UBASH3B: variants seen among roughly 807,000 people sequenced by gnomAD.
The protein encoded by UBASH3B is ubiquitin-associated and SH3 domain-containing protein B.
UBASH3B carries 37 observed loss-of-function variants against 83.4 expected under a neutral mutation model. The ratio of observed to expected loss-of-function variants is 0.44; its 90% CI spans 0.34 to 0.58. The LOEUF (loss-of-function observed/expected upper bound fraction) is 0.58. UBASH3B is among the 20% of genes least tolerant of loss of function. The probability of loss-of-function intolerance (pLI) is 0.01; values close to 1 mark genes in which losing one functional copy is unlikely to be tolerated. For synonymous variants in UBASH3B, 304 were observed against 318.3 expected (o/e 0.96, Z 0.48); for missense variants, 657 against 827.2 (o/e 0.79, Z 2.52).
At chr11:122,667,200 C>T (rs916360997) in intron 1 of UBASH3B, among the ~76,000 whole-genome samples, 1 of 151,944 alleles carries the variant, frequency 6.6e-6, no homozygotes, top group Non-Finnish European at 1.5e-5. Flanking sequence ...CGCACCACCA[C>T]CACACCTGGC....
intron 1 of UBASH3B, among the ~76,000 whole-genome samples, chr11:122,680,566 C>A (rs11218748): frequency 0.16 from 23,725 of 152,214 alleles, 1,995 homozygotes; most frequent in African/African-American, 0.21. Flanking sequence ...TGGGTTCAAG[C>A]GATTCTCCTG....
intron 1 of UBASH3B, among the ~76,000 whole-genome samples, chr11:122,666,608 G>A (rs1863523198): frequency 6.6e-6 from 1 of 151,914 alleles, no homozygotes; most frequent in East Asian, 1.9e-4. Flanking sequence ...TAGTAGAGAC[G>A]GGGTTTCACC....
At chr11:122,788,389 T>A (rs1338953669) in intron 5 of UBASH3B, among the ~76,000 whole-genome samples, 6 of 152,004 alleles carry the variant, frequency 3.9e-5, no homozygotes, top group Non-Finnish European at 8.8e-5. Context: ...GCCAACATGG[T>A]GAAACCCTGT....
intron 1 of UBASH3B, among the ~76,000 whole-genome samples, chr11:122,714,172 T>C (rs2362): frequency 0.13 from 19,369 of 152,198 alleles, 1,369 homozygotes; most frequent in African/African-American, 0.18. Flanking sequence ...GCCCCATCAG[T>C]TTCTTTAGTG....
rs1861434933 is a variant in UBASH3B, at chr11:122,810,878, G to T, written c.*992G>T. The T allele has an allele frequency of 6.6e-6, 1 of 152,164 alleles. No individual in the cohort carries two copies. The highest frequency in any genetic ancestry group is 2.4e-5 in the African/African-American group (1 of 41,426). 9.4% of individuals were successfully genotyped at this position (152,164 alleles called of 1,614,324 possible). A position where few individuals can be genotyped will look rare whatever the true frequency, so the allele number is the denominator to read the frequency against. On this transcript the variant is annotated 3_prime_UTR_variant, in exon 14 of 14. Transcript: ENST00000284273. ...GACATGTTTGCAAACCATACCAAGGGTCAGGTTGTTGTACACTTACAGTAC... is the reference window on the plus strand; with the variant it reads ...GACATGTTTGCAAACCATACCAAGGTTCAGGTTGTTGTACACTTACAGTAC...
At chr11:122,777,651 G>C (rs1860761821) in intron 3 of UBASH3B, among the ~76,000 whole-genome samples, 1 of 152,190 alleles carries the variant, frequency 6.6e-6, no homozygotes, top group South Asian at 2.1e-4. Flanking sequence ...TATTTCTAGA[G>C]AATGCAAAGA....
intron 1 of UBASH3B, among the ~76,000 whole-genome samples, chr11:122,721,122 G>A (rs1565540946): frequency 6.6e-6 from 1 of 151,894 alleles, no homozygotes; most frequent in Non-Finnish European, 1.5e-5. Context: ...GCGTGTGCCT[G>A]TAGTCCCAGC....
intron 6 of UBASH3B, among the ~76,000 whole-genome samples, chr11:122,792,206 A>G (rs1226388464): frequency 2.0e-5 from 3 of 152,176 alleles, no homozygotes; most frequent in Admixed American, 6.5e-5. Flanking sequence ...CAGCTGCGAT[A>G]AAGAAACAAA....
In UBASH3B at chr11:122,703,264, A is replaced by G. The variant is rs559786068; in HGVS notation, c.161+47054A>G. On this transcript the variant is annotated intron_variant, in intron 1 of 13. Coordinates refer to ENST00000284273, the MANE Select transcript of UBASH3B (RefSeq NM_032873.5). ...AACACAGTGAAACCCCGTCTCTACT[A>G]AAAATACAAAAAATTAGCCAGGCGT... Among the ~76,000 whole-genome samples the G allele has an allele frequency of 3.0e-3, 450 of 152,114 alleles. 3 individuals carry two copies. Among genetic ancestry groups the G allele is most frequent in the Non-Finnish European group, 5.2e-3 (354 of 67,992 alleles).
chr11:122,789,750 C>A (rs370109701), intron 6 of UBASH3B, among the ~76,000 whole-genome samples: 3 of 152,128 alleles, frequency 2.0e-5, no homozygotes, highest in African/African-American at 7.2e-5. Flanking sequence ...CTAACTGTAT[C>A]CTTGATTTGC....
intron 1 of UBASH3B, among the ~76,000 whole-genome samples, chr11:122,709,984 C>A (rs148653664): frequency 0.073 from 11,118 of 151,680 alleles, 467 homozygotes; most frequent in Middle Eastern, 0.12. Context: ...GGTGAAAGCC[C>A]GTCTCCACTA....
intron 1 of UBASH3B, among the ~76,000 whole-genome samples, chr11:122,728,555 C>T (rs1256730394): frequency 6.6e-6 from 1 of 152,216 alleles, no homozygotes; most frequent in Non-Finnish European, 1.5e-5. Context: ...CTCCATTGAA[C>T]ATCTCCCTAT....
intron 1 of UBASH3B, among the ~76,000 whole-genome samples, chr11:122,725,843 A>G (rs7948140): frequency 0.88 from 133,152 of 151,942 alleles, 58,558 homozygotes; most frequent in African/African-American, 0.94. Context: ...ATAGGTGTGC[A>G]CCACCACGCC....
At chr11:122,690,175 T>C (rs1863865352) in intron 1 of UBASH3B, among the ~76,000 whole-genome samples, 1 of 28,164 alleles carries the variant, frequency 3.6e-5, no homozygotes, top group Non-Finnish European at 8.1e-5. Context: ...AACATATATA[T>C]ATATATATAT....
chr11:122,678,400 G>GCTGA (rs1863694245), intron 1 of UBASH3B, among the ~76,000 whole-genome samples: 1 of 152,134 alleles, frequency 6.6e-6, no homozygotes, highest in African/African-American at 2.4e-5. Flanking sequence ...GATCTGTCTG[G>GCTGA]CTGACCCATG....
At chr11:122,777,450 A>AC (rs1305274229) in intron 3 of UBASH3B, among the ~76,000 whole-genome samples, 1 of 152,026 alleles carries the variant, frequency 6.6e-6, no homozygotes, top group Non-Finnish European at 1.5e-5. Context: ...CCAGATTGTA[A>AC]CCCTCTGTGA....
intron 1 of UBASH3B, among the ~76,000 whole-genome samples, chr11:122,681,743 C>A (rs889236321): frequency 5.9e-5 from 9 of 152,128 alleles, no homozygotes; most frequent in African/African-American, 1.9e-4. Flanking sequence ...CACATGCTTA[C>A]CCCTCTGGCT....
At chr11:122,792,955 C>T (rs1296341920) in intron 6 of UBASH3B, among the ~76,000 whole-genome samples, 14 of 151,494 alleles carry the variant, frequency 9.2e-5, no homozygotes, top group South Asian at 2.1e-4. Flanking sequence ...TCTGAGACTT[C>T]GTTTATAAGT....
chr11:122,672,236 C>T (rs1237718982), intron 1 of UBASH3B, among the ~76,000 whole-genome samples: 5 of 151,820 alleles, frequency 3.3e-5, no homozygotes, highest in Non-Finnish European at 7.4e-5. Flanking sequence ...ATGACTTCAA[C>T]ATAATGTGGT....
Sources: allele counts gnomAD v4.1 joint callset (sites outside exome capture counted in the v4.1 genomes callset), GRCh38; gene constraint gnomAD v4.1.1; transcripts MANE v1.5; gene names NCBI Gene and HGNC (gene_info 2026-07-23, HGNC 2026-07-21).